Variants in SV2C observed in about 807,000 individuals in gnomAD.
SV2C encodes the protein solute carrier family 22 member B3.
Under a neutral mutation model 79.7 loss-of-function variants are expected in SV2C, and 49 were observed. That is an observed-to-expected ratio of 0.61 (90% CI 0.49 to 0.78). The LOEUF (loss-of-function observed/expected upper bound fraction) is 0.78. SV2C is among the 30% of genes least tolerant of loss of function. SV2C has a pLI of 0.00. For synonymous variants in SV2C, 334 were observed against 333.2 expected, an observed-to-expected ratio of 1.00 and a Z score of -0.03; for missense variants, 833 against 912.9, an observed-to-expected ratio of 0.91 and a Z score of 1.13.
chr5:75,916,570 G>A, the SV2C span, among the ~76,000 whole-genome samples: 3 of 152,008 alleles, frequency 2.0e-5, no homozygotes, highest in African/African-American at 7.3e-5. Flanking sequence ...CGTCTCCCAG[G>A]TTCAAGTGAT....
chr5:76,220,909 C>T (rs1304315730), intron 4 of SV2C, among the ~76,000 whole-genome samples: 1 of 152,104 alleles, frequency 6.6e-6, no homozygotes, highest in Non-Finnish European at 1.5e-5. Flanking sequence ...CCTGGAAGTC[C>T]CACACAAATC....
intron 1 of SV2C, among the ~76,000 whole-genome samples, chr5:76,089,355 A>T (rs1435548792): frequency 6.6e-6 from 1 of 152,224 alleles, no homozygotes; most frequent in East Asian, 1.9e-4. Flanking sequence ...AAAGGACATG[A>T]TCTCATTCCT....
intron 1 of SV2C, among the ~76,000 whole-genome samples, chr5:76,089,099 G>A (rs184369260): frequency 1.8e-4 from 27 of 152,272 alleles, no homozygotes; most frequent in African/African-American, 5.8e-4. Flanking sequence ...GTGCCATGGT[G>A]GTTTGCTGCA....
upstream of SV2C, chr5:76,078,854 G>C: frequency 1.7e-6 from 1 of 580,484 alleles, no homozygotes; most frequent in Non-Finnish European, 3.4e-6. Flanking sequence ...GCCAATTTGA[G>C]AATTTACCTA....
the SV2C span, among the ~76,000 whole-genome samples, chr5:76,038,816 G>T: frequency 6.6e-6 from 1 of 152,160 alleles, no homozygotes; most frequent in East Asian, 1.9e-4. Context: ...ATCAATCATT[G>T]CTTCTTTGCA....
the SV2C span, among the ~76,000 whole-genome samples, chr5:75,967,982 G>C: frequency 6.6e-6 from 1 of 152,166 alleles, no homozygotes; most frequent in Non-Finnish European, 1.5e-5. Flanking sequence ...ACTTCCAGAG[G>C]AATGATAAGG....
At chr5:75,895,396 A>G in the SV2C span, among the ~76,000 whole-genome samples, 1 of 152,190 alleles carries the variant, frequency 6.6e-6, no homozygotes, top group East Asian at 1.9e-4. Flanking sequence ...TAACTGAAGG[A>G]AATTATGTCT....
intron 2 of SV2C, among the ~76,000 whole-genome samples, chr5:76,145,115 A>G (rs1489120517): frequency 6.6e-6 from 1 of 152,192 alleles, no homozygotes; most frequent in Non-Finnish European, 1.5e-5. Context: ...TGCCCTCTCC[A>G]GGAGTTCTTG....
chr5:76,193,685 A>C (rs1415683930), intron 2 of SV2C, among the ~76,000 whole-genome samples: 2 of 152,188 alleles, frequency 1.3e-5, no homozygotes. Context: ...AGGCCAGGGC[A>C]GTTGAGCCTG....
At position 76,330,745 on chromosome 5, in the gene SV2C, A is replaced by T. The variant is rs540476931; in HGVS notation, c.*5198A>T. 1 of 152,118 alleles carries T rather than the reference A, an allele frequency of 6.6e-6. No homozygotes were observed. The highest frequency in any genetic ancestry group is 2.1e-4 in the South Asian group (1 of 4,820). 9.4% of individuals were successfully genotyped at this position (152,118 alleles called of 1,614,324 possible). On this transcript the variant is annotated 3_prime_UTR_variant, in exon 13 of 13. Coordinates refer to ENST00000502798, the MANE Select transcript of SV2C (RefSeq NM_014979.4). ...TGGAAAATGAGAAAAATGAAACCAC[A>T]CATAAGTTGTTCCCTTAAATAATCT...
the SV2C span, among the ~76,000 whole-genome samples, chr5:76,054,974 T>C: frequency 6.6e-6 from 1 of 152,216 alleles, no homozygotes; most frequent in Non-Finnish European, 1.5e-5. Flanking sequence ...TAATAGTTTC[T>C]TTTGCTGTGC....
intron 2 of SV2C, among the ~76,000 whole-genome samples, chr5:76,144,639 T>TA (rs1372963182): frequency 6.6e-6 from 1 of 152,142 alleles, no homozygotes; most frequent in African/African-American, 2.4e-5. Flanking sequence ...CCTGAGGAGA[T>TA]ACAAAAGGAG....
the SV2C span, among the ~76,000 whole-genome samples, chr5:75,886,682 T>C: frequency 1.3e-5 from 2 of 152,128 alleles, no homozygotes; most frequent in African/African-American, 4.8e-5. Flanking sequence ...TTTAACTCAG[T>C]AACAACTAAT....
chr5:76,013,237 A>G, the SV2C span, among the ~76,000 whole-genome samples: 1 of 152,212 alleles, frequency 6.6e-6, no homozygotes, highest in East Asian at 1.9e-4. Context: ...CCTATCCATA[A>G]GCATGGAATG....
At chr5:76,228,912 A>C (rs1186034544) in intron 4 of SV2C, among the ~76,000 whole-genome samples, 1 of 152,132 alleles carries the variant, frequency 6.6e-6, no homozygotes, top group African/African-American at 2.4e-5. Context: ...GCCTCCAGAT[A>C]CCACAACCTT....
At chr5:76,015,531 A>G in the SV2C span, among the ~76,000 whole-genome samples, 1 of 152,176 alleles carries the variant, frequency 6.6e-6, no homozygotes, top group Admixed American at 6.6e-5. Context: ...GGTAAACATT[A>G]CAATGGCCAA....
chr5:76,022,610 G>T, the SV2C span, among the ~76,000 whole-genome samples: 2 of 152,152 alleles, frequency 1.3e-5, no homozygotes, highest in South Asian at 4.2e-4. Context: ...CGGTAACAGG[G>T]ATAATTTTTG....
the SV2C span, among the ~76,000 whole-genome samples, chr5:75,922,066 A>G: frequency 6.6e-6 from 1 of 152,302 alleles, no homozygotes; most frequent in East Asian, 1.9e-4. Context: ...GAAGTTTTAT[A>G]AGAACATAGA....
chr5:75,924,260 G>T, the SV2C span, among the ~76,000 whole-genome samples: 2 of 152,006 alleles, frequency 1.3e-5, no homozygotes, highest in Admixed American at 6.5e-5. Context: ...CTTGGGGGAA[G>T]TTTGGGAGGG....
Sources: allele counts gnomAD v4.1 joint callset (sites outside exome capture counted in the v4.1 genomes callset), GRCh38; gene constraint gnomAD v4.1.1; transcripts MANE v1.5; gene names NCBI Gene and HGNC (gene_info 2026-07-23, HGNC 2026-07-21).